Variants in BLM observed in about 807,000 individuals in gnomAD.
The protein encoded by BLM is recQ-like DNA helicase BLM.
Under a neutral mutation model 135.3 loss-of-function variants are expected in BLM, and 95 were observed. That is an observed-to-expected ratio of 0.70 (90% CI 0.59 to 0.83). BLM has a LOEUF of 0.83. Among genes scored for constraint, BLM ranks in the 40% least tolerant of loss-of-function variants. The pLI, the probability that BLM is intolerant of heterozygous loss-of-function variation, is 0.00. For synonymous variants in BLM, 520 were observed against 589.2 expected, an observed-to-expected ratio of 0.88 and a Z score of 1.70; for missense variants, 1,518 against 1,663.9, an observed-to-expected ratio of 0.91 and a Z score of 1.53.
chr15:90,764,152 C>T (rs780852137), intron 8 of BLM, among the ~76,000 whole-genome samples: 2 of 151,180 alleles, frequency 1.3e-5, no homozygotes, highest in African/African-American at 2.4e-5. Context: ...TTTTCCAGGG[C>T]TTCCCATTGT....
At chr15:90,758,257 G>T (rs183230172) in intron 5 of BLM, among the ~76,000 whole-genome samples, 3 of 152,094 alleles carry the variant, frequency 2.0e-5, no homozygotes, top group Non-Finnish European at 4.4e-5. Flanking sequence ...GGAGACCGAG[G>T]TGAGTGGATC....
At position 90,782,912 on chromosome 15, in the gene BLM, C is replaced by T. The variant is rs760072975; in HGVS notation, c.2646C>T (p.Ile882=). 3 of 1,611,238 alleles carry T rather than the reference C, an allele frequency of 1.9e-6. No individual in the cohort carries two copies. The South Asian group carries it at 3.3e-5, about 18-fold the overall frequency. ...TGGCATTTGATTGCCTAGAATGGATCAGAAAGCACCACCCATGTGAGTACA... is the reference window on the plus strand; with the variant it reads ...TGGCATTTGATTGCCTAGAATGGATTAGAAAGCACCACCCATGTGAGTACA... ...KKVAFDCLEW[I]RKHHPYDSGI... The change falls in exon 13 of 22, where the codon ATC becomes ATT. Residue 882 remains isoleucine (I), a synonymous_variant. Transcript: ENST00000355112.
At chr15:90,798,128 C>T in intron 16 of BLM, 62 bp from the exon 17 acceptor site, 2 of 1,420,080 alleles carry the variant, frequency 1.4e-6, no homozygotes. Context: ...TAATATTAAA[C>T]CCTAGTAATC....
At chr15:90,800,132 G>C (rs1410549612) in intron 17 of BLM, among the ~76,000 whole-genome samples, 3 of 152,162 alleles carry the variant, frequency 2.0e-5, no homozygotes, top group African/African-American at 7.2e-5. Context: ...GATGCCTTCT[G>C]CTCAAAATAA....
At position 90,815,597 on chromosome 15, in the gene BLM, C is replaced by A; in HGVS notation, c.*318C>A. 1 of 355,462 alleles carries A rather than the reference C, an allele frequency of 2.8e-6. No individual in the cohort carries two copies. Among genetic ancestry groups the A allele is most frequent in the Non-Finnish European group, 5.2e-6 (1 of 193,292 alleles). 22.0% of individuals were successfully genotyped at this position (355,462 alleles called of 1,614,324 possible). ...CCAAAGGAAGAGCCACGCGTGGGCC[C>A]TTGTGAAACTAAAGCTTTTCGTGTA... On this transcript the variant is annotated 3_prime_UTR_variant, in exon 22 of 22. Coordinates refer to ENST00000355112, the MANE Select transcript of BLM (RefSeq NM_000057.4). This position sits in a 1 kb window ranked among gnomAD's most constrained non-coding sequence, Gnocchi z 4.6.
chr15:90,763,034 C>T lies in BLM; in HGVS notation c.1951C>T (p.His651Tyr), dbSNP rs1460158045. 1.2e-6 allele frequency: 2 copies of T among 1,613,898 alleles called. No individual in the cohort carries two copies. Residue 651 changes from histidine (H) to tyrosine (Y), a missense_variant, in exon 8 of 22, where the codon CAT becomes TAT. By Grantham distance (83) the His-to-Tyr change is moderately conservative. Transcript: ENST00000355112. ...GCGTTTCCAAAGTCTTAGTTTTCCT[C>T]ATACAAAGGAAATGATGAAGATTTT... ...HERFQSLSFPHTKEMMKIFHK... is the reference protein window; with the variant it reads ...HERFQSLSFPYTKEMMKIFHK...
chr15:90,719,078 G>A (rs913527841), intron 1 of BLM, among the ~76,000 whole-genome samples: 2 of 152,002 alleles, frequency 1.3e-5, no homozygotes, highest in Non-Finnish European at 2.9e-5. Context: ...TGCAAGCTCC[G>A]CCTCCCGGGT....
intron 19 of BLM, among the ~76,000 whole-genome samples, chr15:90,804,766 G>C (rs866235939): frequency 6.6e-6 from 1 of 152,114 alleles, no homozygotes; most frequent in Non-Finnish European, 1.5e-5. Flanking sequence ...ACTGAGCCTG[G>C]CCTCAGTTGT....
At chr15:90,793,015 A>G (rs1431979821) in intron 15 of BLM, among the ~76,000 whole-genome samples, 1 of 148,698 alleles carries the variant, frequency 6.7e-6, no homozygotes, top group East Asian at 1.9e-4. Context: ...GCCGAGGCCA[A>G]AAAAAAAAAA....
intron 16 of BLM, among the ~76,000 whole-genome samples, 195 bp downstream of exon 16, chr15:90,794,552 C>A (rs1460999815): frequency 1.3e-5 from 2 of 151,576 alleles, no homozygotes; most frequent in African/African-American, 2.4e-5. Context: ...ATAATTAGAA[C>A]CCTGTTAAAA....
Position 90,798,324 on chromosome 15 carries a change from C to A in BLM, c.3345C>A (p.Val1115=). Residue 1115 remains valine, a synonymous_variant, in exon 17 of 22, where the codon GTC becomes GTA. Coordinates refer to ENST00000355112, the MANE Select transcript of BLM (RefSeq NM_000057.4). ...PSGRFTMNML[V]DIFLGSKSAK... ...GAAGATTTACTATGAATATGCTGGTCGACATTTTCTTGGGTAAGTCATCTG... is the reference window on the plus strand; with the variant it reads ...GAAGATTTACTATGAATATGCTGGTAGACATTTTCTTGGGTAAGTCATCTG... 3 of 1,612,382 alleles carry A rather than the reference C, an allele frequency of 1.9e-6. No individual in the cohort carries two copies. In the South Asian group the frequency reaches 3.3e-5, roughly 18 times the overall value.
chr15:90,767,074 A>G lies in BLM; in HGVS notation c.2307+51A>G, dbSNP rs558982313. 8.4e-6 allele frequency: 10 copies of G among 1,190,542 alleles called. No homozygotes were observed. The East Asian group carries it at 2.4e-4, about 28-fold the overall frequency. 73.7% of individuals were successfully genotyped at this position (1,190,542 alleles called of 1,614,324 possible). ...AATATATTAAAGACCACTAGAATAC[A>G]TATATTTTTAAGATTTTAACAAAAT... is the stretch of plus-strand genomic sequence containing the variant. On this transcript the variant is annotated intron_variant, in intron 10 of 21. Transcript: ENST00000355112.
rs77707450 is a variant in BLM at position 90,775,314 on chromosome 15, A to T, written c.2555+5728A>T. Reference sequence around the variant, plus strand: ...AGATGAGTAATAAATTTGATTTTAGATGCATGATGCCTGGGATGTTTAAGG... The same window carrying T: ...AGATGAGTAATAAATTTGATTTTAGTTGCATGATGCCTGGGATGTTTAAGG... On this transcript the variant is annotated intron_variant, in intron 12 of 21. Coordinates refer to ENST00000355112, the MANE Select transcript of BLM (RefSeq NM_000057.4). Among the ~76,000 whole-genome samples the T allele has an allele frequency of 6.5e-3, 991 of 152,174 alleles. 14 individuals are homozygous for T. Among genetic ancestry groups the T allele is most frequent in the African/African-American group, 0.023 (942 of 41,532 alleles).
intron 1 of BLM, among the ~76,000 whole-genome samples, chr15:90,726,717 T>G (rs1368323700): frequency 6.6e-6 from 1 of 152,250 alleles, no homozygotes; most frequent in Non-Finnish European, 1.5e-5. Context: ...TTATTCCACT[T>G]AACACAATGT....
chr15:90,750,066 A>C lies in BLM; in HGVS notation c.798A>C (p.Arg266Ser). 6.2e-7 allele frequency: 1 copy of C among 1,613,558 alleles called. No homozygotes were observed. Among genetic ancestry groups the C allele is most frequent in the Non-Finnish European group, 8.5e-7 (1 of 1,179,562 alleles). Reference sequence around the variant, plus strand: ...TGAAAACTCATTTGGAAGATGAAAGAGGTAACAATTATTTTATCTTCATTT... The same window carrying C: ...TGAAAACTCATTTGGAAGATGAAAGCGGTAACAATTATTTTATCTTCATTT... ...DSLKTHLEDE[R>S]DNSEKKKNLE... The change falls in exon 3 of 22, where the codon AGA (arginine) becomes AGC (serine). Residue 266 changes from arginine (R) to serine (S), a missense_variant and splice_region_variant. Physicochemically the swap from Arg to Ser is moderately radical, Grantham distance 110. This residue lies in a region of BLM where 724 missense variants were observed against 756.9 expected (regional missense o/e 0.96). Transcript: ENST00000355112.
chr15:90,755,878 G>A (rs956517409), intron 5 of BLM, among the ~76,000 whole-genome samples: 5 of 151,942 alleles, frequency 3.3e-5, no homozygotes, highest in Admixed American at 3.3e-4. Flanking sequence ...CGAGTCTGAG[G>A]GCTGCTGGGC....
At chr15:90,794,129 C>G in intron 15 of BLM, 38 bp from the exon 16 acceptor site, 1 of 1,473,274 alleles carries the variant, frequency 6.8e-7, no homozygotes, top group Admixed American at 1.8e-5. Context: ...TATTTTTCCC[C>G]TATAAGTATG....
chr15:90,724,975 C>T (rs1444504777), intron 1 of BLM, among the ~76,000 whole-genome samples: 1 of 152,146 alleles, frequency 6.6e-6, no homozygotes, highest in Non-Finnish European at 1.5e-5. Flanking sequence ...GTGGTATGAT[C>T]TTGGCTCACT....
intron 7 of BLM, chr15:90,762,435 G>C (rs1298644850): frequency 1.3e-5 from 2 of 154,838 alleles, no homozygotes; most frequent in Non-Finnish European, 2.9e-5. Context: ...AAGTCATTCA[G>C]GTACCAATGT....
Sources: allele counts gnomAD v4.1 joint callset (sites outside exome capture counted in the v4.1 genomes callset), GRCh38; gene constraint gnomAD v4.1.1; regional missense constraint gnomAD v4.1.1; non-coding constraint Gnocchi (gnomAD v3.1); transcripts MANE v1.5; gene names NCBI Gene and HGNC (gene_info 2026-07-23, HGNC 2026-07-21).